Variants in GGACT observed in about 807,000 individuals in gnomAD.
GGACT encodes gamma-glutamylaminecyclotransferase.
For missense variants in GGACT, 241 were observed against 233.2 expected, an observed-to-expected ratio of 1.03 and a Z score of -0.22; for synonymous variants, 118 against 115.3, an observed-to-expected ratio of 1.02 and a Z score of -0.15.
rs761408311 is a variant in GGACT at position 100,545,423 on chromosome 13, G to T, written c.-10-12822C>A. ...CCTCCTTCCTGACCTCCACGTCCCA[G>T]GGCCCCTGGAGGAGGGCACCCCCTC... On this transcript the variant is annotated intron_variant, in intron 2 of 2. Transcript: ENST00000683975. This position sits in a 1 kb window ranked among gnomAD's most constrained non-coding sequence, Gnocchi z 4.4. Among the ~76,000 whole-genome samples the T allele has an allele frequency of 3.3e-5, 5 of 152,128 alleles. No homozygotes were observed. Among genetic ancestry groups the T allele is most frequent in the Non-Finnish European group, 7.4e-5 (5 of 68,008 alleles).
At chr13:100,584,493 G>A (rs1033152483) in intron 1 of GGACT, among the ~76,000 whole-genome samples, 1 of 152,030 alleles carries the variant, frequency 6.6e-6, no homozygotes, top group African/African-American at 2.4e-5. Flanking sequence ...GTAGTAGGGG[G>A]GTTGGGGGAA....
At chr13:100,575,180 T>C (rs1417753100) in intron 2 of GGACT, among the ~76,000 whole-genome samples, 4 of 152,228 alleles carry the variant, frequency 2.6e-5, no homozygotes, top group Admixed American at 2.6e-4. Flanking sequence ...CTGTGTCTTT[T>C]AAATACTACC....
At position 100,532,561 on chromosome 13, in the gene GGACT, T is replaced by A; in HGVS notation, c.31A>T (p.Lys11Ter). MALVFVYGTL[K>*]RGQPNHRVLR... ...ACCCTGTGGTTGGGCTGACCCCGCT[T>A]CAGGGTGCCGTACACGAAGACTAGG... is the stretch of plus-strand genomic sequence containing the variant. The change falls in exon 3 of 3, where the codon AAG (lysine) becomes TAG (stop). Residue 11 changes from lysine (K) to a stop codon, truncating the protein, a stop_gained. Coordinates refer to ENST00000683975, the MANE Select transcript of GGACT (RefSeq NM_001195087.2). LOFTEE classifies it low-confidence loss of function (END_TRUNC). 1 of 1,546,988 alleles carries A rather than the reference T, an allele frequency of 6.5e-7. No homozygotes were observed. Among genetic ancestry groups the A allele is most frequent in the Non-Finnish European group, 8.7e-7 (1 of 1,144,836 alleles).
intron 2 of GGACT, among the ~76,000 whole-genome samples, chr13:100,559,585 C>CAAAAA (rs1566534937): frequency 3.9e-4 from 60 of 152,156 alleles, no homozygotes; most frequent in African/African-American, 1.4e-3. Context: ...ACCTCTGCCT[C>CAAAAA]CTGGGTTCAA....
chr13:100,584,910 G>A (rs746155567), intron 1 of GGACT, among the ~76,000 whole-genome samples: 52 of 152,174 alleles, frequency 3.4e-4, no homozygotes, highest in Non-Finnish European at 4.6e-4. Context: ...TAGTAATGCT[G>A]AGCTCCTATT....
Position 100,534,043 on chromosome 13 carries a change from C to A in GGACT, c.-10-1442G>T, listed in dbSNP as rs1046131190. Among the ~76,000 whole-genome samples, 1 of 152,228 alleles carries A rather than the reference C, an allele frequency of 6.6e-6. No individual in the cohort carries two copies. Among genetic ancestry groups the A allele is most frequent in the African/African-American group, 2.4e-5 (1 of 41,456 alleles). On this transcript the variant is annotated intron_variant, in intron 2 of 2. Coordinates refer to ENST00000683975, the MANE Select transcript of GGACT (RefSeq NM_001195087.2). The surrounding 1 kb of genome is among the most constrained non-coding windows in gnomAD (Gnocchi z 4.9). ...CCCGGACACCACACTTGCCACCAAT[C>A]ATGTGGACAAGTGGACCCTGAAGAA...
At chr13:100,561,787 G>C (rs1332134033) in intron 2 of GGACT, among the ~76,000 whole-genome samples, 1 of 152,210 alleles carries the variant, frequency 6.6e-6, no homozygotes, top group African/African-American at 2.4e-5. Flanking sequence ...CACGACCTTG[G>C]CAAATGACTG....
chr13:100,578,109 C>T (rs768275332), intron 2 of GGACT, among the ~76,000 whole-genome samples: 30 of 152,144 alleles, frequency 2.0e-4, no homozygotes, highest in East Asian at 3.9e-4. Flanking sequence ...TTTGATAAGG[C>T]GATACTGGCA....
chr13:100,573,398 A>G (rs1875154310), intron 2 of GGACT, among the ~76,000 whole-genome samples: 3 of 152,242 alleles, frequency 2.0e-5, no homozygotes, highest in South Asian at 2.1e-4. Context: ...AGACCCATAT[A>G]TAACTTTTTA....
chr13:100,532,016 T>G lies in GGACT; in HGVS notation c.*114A>C, dbSNP rs775536409. 3.9e-4 allele frequency: 254 copies of G among 657,636 alleles called. No individual in the cohort carries two copies. The highest frequency in any genetic ancestry group is 7.4e-4 in the Admixed American group (20 of 27,038). The allele number at this position is 657,636 out of a possible 1,614,324, so 40.7% of individuals were successfully genotyped here. A position where few individuals can be genotyped will look rare whatever the true frequency, so the allele number is the denominator to read the frequency against. On this transcript the variant is annotated 3_prime_UTR_variant, in exon 3 of 3. Coordinates refer to ENST00000683975, the MANE Select transcript of GGACT (RefSeq NM_001195087.2). ...GCTGCCACTGAAAGATTGGTTCCTT[T>G]CCGGCAGATTCATTGGAAAGGGCCC...
chr13:100,578,590 A>T (rs1164953745), intron 2 of GGACT, among the ~76,000 whole-genome samples: 2 of 152,176 alleles, frequency 1.3e-5, no homozygotes, highest in African/African-American at 4.8e-5. Flanking sequence ...ATTCTTCCTA[A>T]AATTACCACG....
At position 100,531,783 on chromosome 13, in the gene GGACT, C is replaced by A; in HGVS notation, c.*347G>T. 5.1e-6 allele frequency: 1 copy of A among 194,420 alleles called. No individual in the cohort carries two copies. Among genetic ancestry groups the A allele is most frequent in the South Asian group, 2.4e-4 (1 of 4,124 alleles). The allele number at this position is 194,420 out of a possible 1,614,324, so 12.0% of individuals were successfully genotyped here. A position where few individuals can be genotyped will look rare whatever the true frequency, so the allele number is the denominator to read the frequency against. ...CTAAAATCTAGCGGCAACACCAAGT[C>A]TTTACACTGATCCTAAATATTTATT... On this transcript the variant is annotated 3_prime_UTR_variant, in exon 3 of 3. Transcript: ENST00000683975.
chr13:100,531,872 A>G lies in GGACT; in HGVS notation c.*258T>C, dbSNP rs547317659. ...ACACGAGGAGGAAGAAGAATTAGGC[A>G]TAACACGAGTTCTCTAAATGTCATT... On this transcript the variant is annotated 3_prime_UTR_variant, in exon 3 of 3. Transcript: ENST00000683975. 7.6e-6 allele frequency: 3 copies of G among 394,172 alleles called. No individual in the cohort carries two copies. The highest frequency in any genetic ancestry group is 1.2e-4 in the South Asian group (1 of 8,574). 24.4% of individuals were successfully genotyped at this position (394,172 alleles called of 1,614,324 possible).
In GGACT at chr13:100,530,668, A is replaced by AGAG. The variant is rs780457981; in HGVS notation, c.*1459_*1461dup. On this transcript the variant is annotated 3_prime_UTR_variant, in exon 3 of 3. Coordinates refer to ENST00000683975, the MANE Select transcript of GGACT (RefSeq NM_001195087.2). ...TGATTTTCAAAACTTCCTAAGGACC[A>AGAG]GAGACTGCAAATGCAGATTTTGGCA... 36 of 232,026 alleles carry AGAG rather than the reference A, an allele frequency of 1.6e-4. No homozygotes were observed. The highest frequency in any genetic ancestry group is 2.2e-4 in the Non-Finnish European group (26 of 117,836). 14.4% of individuals were successfully genotyped at this position (232,026 alleles called of 1,614,324 possible).
In GGACT at chr13:100,588,407, G is replaced by A. The variant is rs1035530794; in HGVS notation, c.-184+334C>T. ...AGGTCCTCTGAAAGCCAGCGTGTGGGCTGTCACGCTTCCTTTACAGGGAAG... is the reference window on the plus strand; with the variant it reads ...AGGTCCTCTGAAAGCCAGCGTGTGGACTGTCACGCTTCCTTTACAGGGAAG... On this transcript the variant is annotated intron_variant, in intron 1 of 2. Transcript: ENST00000683975. Among the ~76,000 whole-genome samples the A allele has an allele frequency of 1.1e-4, 17 of 152,220 alleles. 1 individual carries two copies. Among genetic ancestry groups the A allele is most frequent in the Admixed American group, 6.5e-5 (1 of 15,284 alleles).
chr13:100,554,567 C>T (rs2088695488), intron 2 of GGACT, among the ~76,000 whole-genome samples: 1 of 152,042 alleles, frequency 6.6e-6, no homozygotes, highest in Non-Finnish European at 1.5e-5. Flanking sequence ...AAGAGTCTAC[C>T]AAGGAATCAC....
chr13:100,584,566 C>T (rs929185651), intron 1 of GGACT, among the ~76,000 whole-genome samples: 1 of 151,918 alleles, frequency 6.6e-6, no homozygotes, highest in African/African-American at 2.4e-5. Flanking sequence ...TATTTGATAG[C>T]ACAACAGGGT....
At chr13:100,550,054 AG>A (rs1173788503) in intron 2 of GGACT, among the ~76,000 whole-genome samples, 1 of 152,170 alleles carries the variant, frequency 6.6e-6, no homozygotes, top group Non-Finnish European at 1.5e-5. Context: ...ACAAGGAAGA[AG>A]GGAGCGGGGA....
chr13:100,553,016 G>A (rs911392226), intron 2 of GGACT, among the ~76,000 whole-genome samples: 3 of 152,158 alleles, frequency 2.0e-5, no homozygotes, highest in Non-Finnish European at 2.9e-5. Flanking sequence ...CCTGAGCAGA[G>A]GGGACGGTGG....
Sources: gnomAD v4.1 joint callset for allele counts (sites outside exome capture counted in the v4.1 genomes callset) on GRCh38, gnomAD v4.1.1 for gene constraint, Gnocchi (gnomAD v3.1) non-coding constraint, MANE v1.5 for transcripts, NCBI Gene and HGNC (gene_info 2026-07-23, HGNC 2026-07-21) for gene names.